The following USP25 variants were observed in gnomAD, a reference collection of about 807,000 sequenced individuals.
USP25 encodes ubiquitin carboxyl-terminal hydrolase 25.
A neutral mutation model predicts 158.5 loss-of-function variants in USP25; 85 were observed. The observed-to-expected ratio is 0.54, with a 90% confidence interval of 0.45 to 0.64. USP25 has a LOEUF of 0.64. Ranked by LOEUF, USP25 falls within the 30% of genes least tolerant of loss-of-function variation. The pLI, the probability that USP25 is intolerant of heterozygous loss-of-function variation, is 0.00. For missense variants in USP25, 1,242 were observed against 1,327.3 expected (o/e 0.94, Z 1.00); for synonymous variants, 464 against 460.4 (o/e 1.01, Z -0.10).
chr21:15,781,561 G>A (rs1013178925), intron 4 of USP25, among the ~76,000 whole-genome samples: 1 of 152,112 alleles, frequency 6.6e-6, no homozygotes, highest in African/African-American at 2.4e-5. Flanking sequence ...TATTTTGTCT[G>A]GAGTGACTGA....
chr21:15,789,864 T>C (rs1213345082), intron 4 of USP25, among the ~76,000 whole-genome samples: 3 of 152,116 alleles, frequency 2.0e-5, no homozygotes, highest in Non-Finnish European at 2.9e-5. Context: ...ATATCCCCTC[T>C]ATATAGGGCA....
rs532046624 is a variant in USP25 at position 15,857,846 on chromosome 21, G to T, written c.2548-6422G>T. 4.6e-5 allele frequency among the ~76,000 whole-genome samples: 7 copies of T among 152,128 alleles called. No homozygotes were observed. In the South Asian group the frequency reaches 1.5e-3, roughly 32 times the overall value. On this transcript the variant is annotated intron_variant, in intron 20 of 25. Coordinates refer to ENST00000400183, the MANE Select transcript of USP25 (RefSeq NM_001283041.3). ...TACTTTTTGTTTTGATTACAGGATA[G>T]AAGATTTTAGTTTTCTCTGAATAGT...
chr21:15,851,248 ATTAAG>A, intron 20 of USP25, among the ~76,000 whole-genome samples: 1 of 152,190 alleles, frequency 6.6e-6, no homozygotes, highest in South Asian at 2.1e-4. Context: ...TCTCATTTTT[ATTAAG>A]TTAATATCTG....
chr21:15,842,076 A>C (rs1208127553), intron 17 of USP25, among the ~76,000 whole-genome samples: 2 of 152,158 alleles, frequency 1.3e-5, no homozygotes, highest in African/African-American at 4.8e-5. Flanking sequence ...TGTTCAAACC[A>C]AATTCTTTTG....
At position 15,818,841 on chromosome 21, in the gene USP25, C is replaced by T; in HGVS notation, c.1075C>T (p.Gln359Ter). 1.2e-6 allele frequency: 2 copies of T among 1,613,430 alleles called. No homozygotes were observed. The highest frequency in any genetic ancestry group is 1.7e-6 in the Non-Finnish European group (2 of 1,179,624). Residue 359 changes from glutamine to a stop codon, truncating the protein, a stop_gained, in exon 10 of 26, where the codon CAA (glutamine) becomes TAA (stop). Coordinates refer to ENST00000400183, the MANE Select transcript of USP25 (RefSeq NM_001283041.3). LOFTEE classifies it high-confidence loss of function. ...TTCAGAGAATTCAGGAAAATCAGGC[C>T]AAGAGGTGAGTTTAACATTTTCATT... ...LHSENSGKSGQEHWFTELPPV... is the reference protein window; with the variant it reads ...LHSENSGKSG
At chr21:15,860,840 A>G (rs970273413) in intron 20 of USP25, among the ~76,000 whole-genome samples, 2 of 151,904 alleles carry the variant, frequency 1.3e-5, no homozygotes, top group Admixed American at 1.3e-4. Context: ...TGATGTATCT[A>G]GCTTTTTGAA....
chr21:15,796,528 C>G (rs1328968035), intron 5 of USP25, among the ~76,000 whole-genome samples: 1 of 151,368 alleles, frequency 6.6e-6, no homozygotes, highest in Non-Finnish European at 1.5e-5. Context: ...AATTTTTGCA[C>G]AAAGTTTGAG....
intron 23 of USP25, among the ~76,000 whole-genome samples, chr21:15,873,105 TTTTTG>T (rs759975575): frequency 1.8e-4 from 28 of 152,004 alleles, no homozygotes; most frequent in Non-Finnish European, 3.5e-4. Context: ...TTTTCTTCCA[TTTTTG>T]TTTTGTTTTG....
At chr21:15,818,127 C>T (rs2037042700) in intron 9 of USP25, among the ~76,000 whole-genome samples, 1 of 152,134 alleles carries the variant, frequency 6.6e-6, no homozygotes. Context: ...TCTGGCATGG[C>T]TAACTCCCAC....
At chr21:15,810,465 C>G (rs1195350258) in intron 8 of USP25, among the ~76,000 whole-genome samples, 1 of 152,044 alleles carries the variant, frequency 6.6e-6, no homozygotes, top group African/African-American at 2.4e-5. Context: ...TTAGGTCACA[C>G]AAACCATAAA....
At chr21:15,810,599 A>C (rs1437002782) in intron 8 of USP25, among the ~76,000 whole-genome samples, 1 of 152,214 alleles carries the variant, frequency 6.6e-6, no homozygotes, top group Admixed American at 6.5e-5. Context: ...AAACTTCACA[A>C]AAGAATGAAG....
intron 6 of USP25, among the ~76,000 whole-genome samples, chr21:15,800,685 C>T (rs1421579190): frequency 1.3e-5 from 2 of 151,416 alleles, no homozygotes; most frequent in South Asian, 2.1e-4. Context: ...CTAAAGTGGA[C>T]TTATTGCCAA....
In USP25 at chr21:15,827,001, ATCT is replaced by A. The variant is rs1436692703; in HGVS notation, c.1494_1496del (p.Ser499del). The A allele has an allele frequency of 6.2e-7, 1 of 1,613,900 alleles. No individual in the cohort carries two copies. Among genetic ancestry groups the A allele is most frequent in the Non-Finnish European group, 8.5e-7 (1 of 1,180,024 alleles). On this transcript the variant is annotated inframe_deletion, in exon 14 of 26. Transcript: ENST00000400183. ...GCACAACAGAACAACAGGGAGCCCT[ATCT>A]TCAGAACTGCCAAGCACATCACCTT...
At chr21:15,827,385 A>C (rs1355512640) in intron 14 of USP25, among the ~76,000 whole-genome samples, 182 bp downstream of exon 14, 1 of 152,204 alleles carries the variant, frequency 6.6e-6, no homozygotes, top group East Asian at 1.9e-4. Context: ...TATCAGGTTC[A>C]CAGGGACCAA....
chr21:15,730,067 G>A lies in USP25; in HGVS notation c.-327G>A, dbSNP rs1361046953. ...GCAGCAAAGGAACGTGCGAACGCGT[G>A]ACGCCGCCCGACTGGCTCGCGCTCT... On this transcript the variant is annotated 5_prime_UTR_variant, in exon 1 of 26. Transcript: ENST00000400183. The A allele has an allele frequency of 6.6e-6, 1 of 151,828 alleles. No individual in the cohort carries two copies. Among genetic ancestry groups the A allele is most frequent in the Non-Finnish European group, 1.5e-5 (1 of 68,090 alleles). 9.4% of individuals were successfully genotyped at this position (151,828 alleles called of 1,614,324 possible).
intron 3 of USP25, among the ~76,000 whole-genome samples, chr21:15,775,916 C>T (rs552624631): frequency 5.9e-5 from 9 of 151,892 alleles, no homozygotes; most frequent in East Asian, 1.9e-4. Context: ...CTTAAGAGAA[C>T]GAGTTAATGG....
chr21:15,772,516 A>G (rs2034414450), intron 3 of USP25, among the ~76,000 whole-genome samples: 1 of 152,220 alleles, frequency 6.6e-6, no homozygotes, highest in African/African-American at 2.4e-5. Flanking sequence ...TCTTGCCTTG[A>G]CACAGATATG....
At chr21:15,733,694 T>C (rs2031191323) in intron 1 of USP25, among the ~76,000 whole-genome samples, 1 of 151,914 alleles carries the variant, frequency 6.6e-6, no homozygotes, top group South Asian at 2.1e-4. Context: ...ATACAAAAAT[T>C]AGCCAGGCGT....
In USP25 at chr21:15,791,503, G is replaced by A; in HGVS notation, c.394G>A (p.Val132Ile). The stretch of plus-strand genomic sequence containing the variant: ...CATTTTTTTCCACCATTGATTAAGA[G>A]TTCTTGAAGCCAGCATAGCAGAGAA... ...ITDEEQAISR[V>I]LEASIAENKA... The change falls in exon 5 of 26, where the codon GTT becomes ATT. Residue 132 changes from valine to isoleucine, a missense_variant and splice_region_variant. Transcript: ENST00000400183. The A allele has an allele frequency of 6.3e-7, 1 of 1,599,022 alleles. No homozygotes were observed. Among genetic ancestry groups the A allele is most frequent in the Non-Finnish European group, 8.5e-7 (1 of 1,172,974 alleles).
Sources: allele counts gnomAD v4.1 joint callset (sites outside exome capture counted in the v4.1 genomes callset), GRCh38; gene constraint gnomAD v4.1.1; transcripts MANE v1.5; gene names NCBI Gene and HGNC (gene_info 2026-07-23, HGNC 2026-07-21).